TRMT2A: variants seen among roughly 807,000 people sequenced by gnomAD.
TRMT2A encodes tRNA methyltransferase 2A.
A neutral mutation model predicts 59.3 loss-of-function variants in TRMT2A; 60 were observed. The observed-to-expected ratio is 1.01, with a 90% CI of 0.82 to 1.26. TRMT2A has a LOEUF of 1.26. Ranked by LOEUF, TRMT2A falls within the 50% of genes most tolerant of loss-of-function variation. The probability of loss-of-function intolerance (pLI) is 0.00; values close to 1 mark genes in which losing one functional copy is unlikely to be tolerated. For synonymous variants in TRMT2A, 403 were observed against 353.7 expected (o/e 1.14, Z -1.56); for missense variants, 863 against 845.2 (o/e 1.02, Z -0.26).
At chr22:20,113,048 G>A (rs778672851) in intron 10 of TRMT2A, 41 bp from the exon 11 acceptor site, 61 of 1,612,394 alleles carry the variant, frequency 3.8e-5, no homozygotes, top group Non-Finnish European at 4.3e-5. Flanking sequence ...CAGCCAGAGA[G>A]TGCATAACAT....
chr22:20,112,725 GT>G lies in TRMT2A; in HGVS notation c.1715del (p.Asp572AlafsTer65). 6.2e-7 allele frequency: 1 copy of G among 1,613,940 alleles called. No homozygotes were observed. Among genetic ancestry groups the G allele is most frequent in the Non-Finnish European group, 8.5e-7 (1 of 1,180,030 alleles). On this transcript the variant is annotated frameshift_variant, in exon 12 of 12. Coordinates refer to ENST00000252136, the MANE Select transcript of TRMT2A (RefSeq NM_022727.6). LOFTEE classifies it low-confidence loss of function (END_TRUNC). ...PFRPVKAVAVDLFPQTPHCEM... is the reference protein window; with the variant it reads ...PFRPVKAVAVXLFPQTPHCEM... ...CACAGTGCGGGGTCTGCGGGAACAG[GT>G]CCACTGCCACAGCCTTGACCGGCCG...
intron 8 of TRMT2A, 52 bp downstream of exon 8, chr22:20,113,634 T>C (rs1263239131): frequency 6.3e-7 from 1 of 1,590,034 alleles, no homozygotes; most frequent in Non-Finnish European, 8.6e-7. Context: ...CTGGGGTCAA[T>C]GGGGGTCTTG....
In TRMT2A at chr22:20,113,231, A is replaced by AAAAGAGATGCCACAT; in HGVS notation, c.1435_1436insATGTGGCATCTCTTT (p.Glu478_Leu479insTyrValAlaSerLeu). ...CCCGCAGTGGAACTCCACATTACTCAACTCTGAAGAGATGGCACCGTGGCC... is the reference window on the plus strand; with the variant it reads ...CCCGCAGTGGAACTCCACATTACTCAAAAGAGATGCCACATACTCTGAAGAGATGGCACCGTGGCC... On this transcript the variant is annotated inframe_insertion, in exon 10 of 12. Transcript: ENST00000252136. 6.5e-7 allele frequency: 1 copy of AAAAGAGATGCCACAT among 1,548,470 alleles called. No individual in the cohort carries two copies. The highest frequency in any genetic ancestry group is 8.7e-7 in the Non-Finnish European group (1 of 1,148,240).
At position 20,112,422 on chromosome 22, in the gene TRMT2A, A is replaced by T; in HGVS notation, c.*141T>A. 1 of 1,145,964 alleles carries T rather than the reference A, an allele frequency of 8.7e-7. No individual in the cohort carries two copies. The highest frequency in any genetic ancestry group is 1.2e-6 in the Non-Finnish European group (1 of 824,238). The allele number at this position is 1,145,964 out of a possible 1,614,324, so 71.0% of individuals were successfully genotyped here. A position where few individuals can be genotyped will look rare whatever the true frequency, so the allele number is the denominator to read the frequency against. ...CTGGTCAGGGCCCCTGGCCCCTAGC[A>T]GCAGGCCAATCCTGGTGGGGCACAG... On this transcript the variant is annotated 3_prime_UTR_variant, in exon 12 of 12. Transcript: ENST00000252136.
Position 20,115,030 on chromosome 22 carries a change from T to C in TRMT2A, c.940A>G (p.Lys314Glu). The C allele has an allele frequency of 6.3e-7, 1 of 1,599,218 alleles. No individual in the cohort carries two copies. Among genetic ancestry groups the C allele is most frequent in the Non-Finnish European group, 8.5e-7 (1 of 1,175,776 alleles). ...YDPETYTGHWKQLTVRTSRRH... is the reference protein window; with the variant it reads ...YDPETYTGHWEQLTVRTSRRH... ...CGGCTGGTGCGCACAGTCAGCTGCTTCCAGTGGCCTGTGTACGTCTCTGGG... is the reference window on the plus strand; with the variant it reads ...CGGCTGGTGCGCACAGTCAGCTGCTCCCAGTGGCCTGTGTACGTCTCTGGG... Residue 314 changes from lysine to glutamate, a missense_variant, in exon 5 of 12, where the codon AAG becomes GAG. Lys to Glu is a moderately conservative substitution (Grantham distance 56). Transcript: ENST00000252136.
rs530359242 is a variant in TRMT2A at position 20,115,411 on chromosome 22, C to T, written c.745G>A (p.Val249Ile). Residue 249 changes from valine to isoleucine, a missense_variant, in exon 4 of 12, where the codon GTC becomes ATC. Transcript: ENST00000252136. ...YRNKCEFLVG[V>I]GVDGEDNTVG... ...GTGTTATCCTCCCCATCCACCCCGA[C>T]GCCAACCAGAAACTCACACTTATTA... 3.2e-5 allele frequency: 52 copies of T among 1,611,878 alleles called. No individual in the cohort carries two copies. In the Admixed American group the frequency reaches 6.3e-4, roughly 20 times the overall value.
In TRMT2A at chr22:20,114,956, C is replaced by T. The variant is rs1207930184; in HGVS notation, c.1005+9G>A. The T allele has an allele frequency of 4.4e-6, 7 of 1,581,044 alleles. No homozygotes were observed. The highest frequency in any genetic ancestry group is 1.2e-5 in the South Asian group (1 of 86,626). On this transcript the variant is annotated intron_variant, in intron 5 of 11. Coordinates refer to ENST00000252136, the MANE Select transcript of TRMT2A (RefSeq NM_022727.6). Reference sequence around the variant, plus strand: ...AGGCACCCTCCCCCAGCAGGGCCCCCGTTGAGACCTGGGGGTGGAAGTAGG... The same window carrying T: ...AGGCACCCTCCCCCAGCAGGGCCCCTGTTGAGACCTGGGGGTGGAAGTAGG...
intron 10 of TRMT2A, 50 bp downstream of exon 10, chr22:20,113,068 C>T: frequency 6.2e-7 from 1 of 1,611,072 alleles, no homozygotes; most frequent in Non-Finnish European, 8.5e-7. Context: ...TGGTGAGCCA[C>T]CCCATGTGTC....
In TRMT2A at chr22:20,117,169, C is replaced by A; in HGVS notation, c.-263G>T. On this transcript the variant is annotated 5_prime_UTR_variant, in exon 1 of 12. Coordinates refer to ENST00000252136, the MANE Select transcript of TRMT2A (RefSeq NM_022727.6). ...CCGCCAGGGGCCCGCGCCGGCCGCTCGCTTCGCCAGCCACTCTTAGTCCGC... is the reference window on the plus strand; with the variant it reads ...CCGCCAGGGGCCCGCGCCGGCCGCTAGCTTCGCCAGCCACTCTTAGTCCGC... 1.8e-6 allele frequency: 1 copy of A among 556,894 alleles called. No homozygotes were observed. The highest frequency in any genetic ancestry group is 3.0e-6 in the Non-Finnish European group (1 of 334,506). The allele number at this position is 556,894 out of a possible 1,614,324, so 34.5% of individuals were successfully genotyped here.
chr22:20,113,172 T>G lies in TRMT2A; in HGVS notation c.1495A>C (p.Arg499=). The G allele has an allele frequency of 6.3e-7, 1 of 1,597,040 alleles. No homozygotes were observed. Among genetic ancestry groups the G allele is most frequent in the Non-Finnish European group, 8.5e-7 (1 of 1,170,684 alleles). The change falls in exon 10 of 12, where the codon AGA becomes CGA. Residue 499 remains arginine (R), a synonymous_variant. Transcript: ENST00000252136. ...AEDLVPTLVS[R]LASQHLVAIL... ...GCCACGAGGTGCTGGGAGGCCAGTC[T>G]GCTCACCAGGGTGGGCACCAGGTCC...
intron 10 of TRMT2A, 22 bp downstream of exon 10, chr22:20,113,096 T>C (rs375924463): frequency 1.2e-6 from 2 of 1,608,650 alleles, no homozygotes; most frequent in East Asian, 4.5e-5. Context: ...CCGTGCCACC[T>C]CCTTAAGCAA....
rs761388183 is a variant in TRMT2A, at chr22:20,115,729, C to A, written c.651G>T (p.Arg217Ser). The change falls in exon 3 of 12, where the codon AGG (arginine) becomes AGT (serine). Residue 217 changes from arginine (R) to serine (S), a missense_variant. Arg to Ser is a moderately radical substitution (Grantham distance 110, BLOSUM62 -1). Transcript: ENST00000252136. ...RALLPWLLEQ[R>S]HKHNKACCPL... ...GGCAGCAGGCCTTGTTGTGCTTGTG[C>A]CTCTGCTCGAGCAGCCAGGGCAGCA... 75 of 1,612,680 alleles carry A rather than the reference C, an allele frequency of 4.7e-5. No homozygotes were observed. The highest frequency in any genetic ancestry group is 5.9e-5 in the Non-Finnish European group (70 of 1,179,832).
Position 20,115,823 on chromosome 22 carries a change from C to T in TRMT2A, c.600-43G>A, listed in dbSNP as rs766885520. 7 of 1,565,888 alleles carry T rather than the reference C, an allele frequency of 4.5e-6. No individual in the cohort carries two copies. The Admixed American group carries it at 1.2e-4, about 27-fold the overall frequency. Reference sequence around the variant, plus strand: ...CGGTGGTTGGACTCCACCTACTGCCCCCGACCCATGCCAGGCCACTCCCCA... The same window carrying T: ...CGGTGGTTGGACTCCACCTACTGCCTCCGACCCATGCCAGGCCACTCCCCA... On this transcript the variant is annotated intron_variant, in intron 2 of 11. Transcript: ENST00000252136.
Position 20,113,229 on chromosome 22 carries a change from T to G in TRMT2A, c.1438A>C (p.Ser480Arg), listed in dbSNP as rs2049902146. Residue 480 changes from serine to arginine, a missense_variant, in exon 10 of 12, where the codon AGT becomes CGT. Physicochemically the swap from Ser to Arg is moderately radical, Grantham distance 110 (BLOSUM62 -1). Coordinates refer to ENST00000252136, the MANE Select transcript of TRMT2A (RefSeq NM_022727.6). ...CTCCCGCAGTGGAACTCCACATTAC[T>G]CAACTCTGAAGAGATGGCACCGTGG... ...ARVNAQDNEL[S>R]NVEFHCGRAE... The G allele has an allele frequency of 1.3e-6, 2 of 1,560,702 alleles. No individual in the cohort carries two copies. Among genetic ancestry groups the G allele is most frequent in the Non-Finnish European group, 1.7e-6 (2 of 1,154,376 alleles).
At position 20,116,456 on chromosome 22, in the gene TRMT2A, T is replaced by C; in HGVS notation, c.181A>G (p.Ser61Gly). Residue 61 changes from serine to glycine, a missense_variant, in exon 2 of 12, where the codon AGC (serine) becomes GGC (glycine). Physicochemically the swap from Ser to Gly is moderately conservative, Grantham distance 56 (BLOSUM62 0). Coordinates refer to ENST00000252136, the MANE Select transcript of TRMT2A (RefSeq NM_022727.6). ...GTAAACAAGTCATCCCTGATGTAGC[T>C]GTAGAGCCCGGGCTGAGGCCCCGGC... ...TGPGPQPGLY[S>G]YIRDDLFTSE... is the part of the protein sequence containing the mutation. 1.9e-6 allele frequency: 3 copies of C among 1,612,862 alleles called. No homozygotes were observed. The South Asian group carries it at 3.3e-5, about 18-fold the overall frequency.
rs773798994 is a variant in TRMT2A at position 20,116,632 on chromosome 22, G to A, written c.25-20C>T. On this transcript the variant is annotated intron_variant, in intron 1 of 11. Transcript: ENST00000252136. The stretch of plus-strand genomic sequence containing the variant: ...CGGGCCCTGTGTGGGGACAGATGGG[G>A]TGCTAGGGTGAGGACTAGGCCCTGG... 6.6e-7 allele frequency: 1 copy of A among 1,523,876 alleles called. No homozygotes were observed. Among genetic ancestry groups the A allele is most frequent in the South Asian group, 1.3e-5 (1 of 77,782 alleles). The allele number at this position is 1,523,876 out of a possible 1,614,324, so 94.4% of individuals were successfully genotyped here.
chr22:20,116,829 C>CCCCCCA, intron 1 of TRMT2A, 54 bp downstream of exon 1: 4 of 1,512,706 alleles, frequency 2.6e-6, no homozygotes, highest in African/African-American at 1.4e-5. Flanking sequence ...CCTGACCCAC[C>CCCCCCA]CCGCCTCCTC....
Position 20,117,100 on chromosome 22 carries a change from C to A in TRMT2A, c.-194G>T. ...CCAGGCGGGGCGGGACTCGAACCTG[C>A]GATGCTCAGGTCCGGGTCTCAGGCT... is the stretch of plus-strand genomic sequence containing the variant. On this transcript the variant is annotated 5_prime_UTR_variant, in exon 1 of 12. Coordinates refer to ENST00000252136, the MANE Select transcript of TRMT2A (RefSeq NM_022727.6). The A allele has an allele frequency of 1.4e-6, 1 of 715,300 alleles. No homozygotes were observed. The allele number at this position is 715,300 out of a possible 1,614,324, so 44.3% of individuals were successfully genotyped here. A position where few individuals can be genotyped will look rare whatever the true frequency, so the allele number is the denominator to read the frequency against.
rs554627514 is a variant in TRMT2A, at chr22:20,112,643, G to GC, written c.1797dup (p.Pro600AlafsTer15). The GC allele has an allele frequency of 9.1e-3, 14,768 of 1,614,106 alleles. 88 individuals are homozygous for GC. Among genetic ancestry groups the GC allele is most frequent in the South Asian group, 0.015 (1,345 of 91,092 alleles). On this transcript the variant is annotated frameshift_variant, in exon 12 of 12. Transcript: ENST00000252136. LOFTEE classifies it low-confidence loss of function (END_TRUNC). ...GTGGGTTGAGCTGGAGGGCTGTGGG[G>GC]CCCCAAGACCCCTGTGCCATTGGGG...
Sources: gnomAD v4.1 joint callset for allele counts on GRCh38, gnomAD v4.1.1 for gene constraint, MANE v1.5 for transcripts, NCBI Gene and HGNC (gene_info 2026-07-23, HGNC 2026-07-21) for gene names.